AKAP19: variants seen among roughly 807,000 people sequenced by gnomAD.
AKAP19 encodes A-kinase anchoring protein 19.
the AKAP19 span, among the ~76,000 whole-genome samples, chr2:190,052,119 G>A: frequency 1.1e-4 from 16 of 152,166 alleles, no homozygotes; most frequent in Admixed American, 9.2e-4. Flanking sequence ...GATTACAGGC[G>A]TGATCTACTT....
At chr2:190,025,723 C>T in the AKAP19 span, among the ~76,000 whole-genome samples, 5 of 152,204 alleles carry the variant, frequency 3.3e-5, no homozygotes, top group Non-Finnish European at 5.9e-5. Context: ...ATCGATATAA[C>T]TGAAACTCTG....
chr2:189,881,743 T>A, the AKAP19 span, among the ~76,000 whole-genome samples: 1 of 152,144 alleles, frequency 6.6e-6, no homozygotes, highest in African/African-American at 2.4e-5. Flanking sequence ...TCTTGTAGCC[T>A]GCAAAATAGA....
chr2:189,959,959 G>GT, the AKAP19 span, among the ~76,000 whole-genome samples: 2 of 151,896 alleles, frequency 1.3e-5, no homozygotes, highest in Admixed American at 6.6e-5. Flanking sequence ...ATTTATGTAG[G>GT]TTTTTTTCAT....
At chr2:190,138,397 C>CTA in the AKAP19 span, among the ~76,000 whole-genome samples, 2 of 152,206 alleles carry the variant, frequency 1.3e-5, no homozygotes, top group Non-Finnish European at 2.9e-5. Flanking sequence ...ACAGTAAGTA[C>CTA]TATAGCCTAA....
chr2:189,949,563 T>A, the AKAP19 span, among the ~76,000 whole-genome samples: 1 of 148,328 alleles, frequency 6.7e-6, no homozygotes, highest in East Asian at 2.0e-4. Flanking sequence ...ACAGTTCAAA[T>A]CTGTGTTATT....
the AKAP19 span, among the ~76,000 whole-genome samples, chr2:189,912,938 GAC>G: frequency 6.6e-6 from 1 of 152,086 alleles, no homozygotes; most frequent in South Asian, 2.1e-4. Flanking sequence ...CTTGGCTGAG[GAC>G]ACTGTACCGC....
At chr2:190,057,946 A>C in the AKAP19 span, among the ~76,000 whole-genome samples, 1 of 152,020 alleles carries the variant, frequency 6.6e-6, no homozygotes, top group African/African-American at 2.4e-5. Context: ...ATTTATGGGA[A>C]GAAAGGGAGG....
chr2:190,195,454 TTC>T, the AKAP19 span, among the ~76,000 whole-genome samples: 2 of 152,134 alleles, frequency 1.3e-5, no homozygotes, highest in African/African-American at 4.8e-5. Context: ...TGAATGAGAG[TTC>T]TGTTGCTTTT....
the AKAP19 span, among the ~76,000 whole-genome samples, chr2:189,989,027 T>C: frequency 6.6e-6 from 1 of 152,212 alleles, no homozygotes; most frequent in Non-Finnish European, 1.5e-5. Flanking sequence ...AGTAATCTAA[T>C]GGAGCAGAAC....
At chr2:189,917,679 G>T in the AKAP19 span, 1 of 265,178 alleles carries the variant, frequency 3.8e-6, no homozygotes, top group East Asian at 9.3e-5. Flanking sequence ...ATTACCATTA[G>T]GTTGATCTTG....
At chr2:190,005,026 T>C in the AKAP19 span, among the ~76,000 whole-genome samples, 1 of 152,138 alleles carries the variant, frequency 6.6e-6, no homozygotes, top group Non-Finnish European at 1.5e-5. Context: ...TGTCCAGAAG[T>C]GTGTTCCTTC....
At chr2:189,898,979 T>C in the AKAP19 span, among the ~76,000 whole-genome samples, 1 of 152,204 alleles carries the variant, frequency 6.6e-6, no homozygotes, top group Non-Finnish European at 1.5e-5. Flanking sequence ...TACTTTTTTA[T>C]CTTCTACATG....
chr2:190,086,768 G>GA, the AKAP19 span, among the ~76,000 whole-genome samples: 1 of 152,196 alleles, frequency 6.6e-6, no homozygotes, highest in Non-Finnish European at 1.5e-5. Flanking sequence ...GAGTTGCTCA[G>GA]AGAATGTCTT....
At chr2:190,160,666 T>G in the AKAP19 span, among the ~76,000 whole-genome samples, 2 of 151,978 alleles carry the variant, frequency 1.3e-5, no homozygotes, top group East Asian at 3.9e-4. Flanking sequence ...TAAGGCAAAA[T>G]GTTTTAAGTA....
the AKAP19 span, among the ~76,000 whole-genome samples, chr2:189,932,048 A>G: frequency 2.0e-4 from 30 of 152,210 alleles, no homozygotes; most frequent in African/African-American, 7.2e-4. Flanking sequence ...TTGGTCCAGA[A>G]TCCCTCATCG....
the AKAP19 span, among the ~76,000 whole-genome samples, chr2:189,974,798 G>A: frequency 6.6e-6 from 1 of 152,232 alleles, no homozygotes; most frequent in South Asian, 2.1e-4. Flanking sequence ...GACTAAGATT[G>A]CAACCCCTGC....
chr2:189,916,301 T>C, the AKAP19 span, among the ~76,000 whole-genome samples: 1 of 150,410 alleles, frequency 6.6e-6, no homozygotes, highest in Non-Finnish European at 1.5e-5. Context: ...TATAATTTTC[T>C]ATAATTTTCT....
chr2:190,052,896 T>C, the AKAP19 span, among the ~76,000 whole-genome samples: 1 of 152,194 alleles, frequency 6.6e-6, no homozygotes, highest in Non-Finnish European at 1.5e-5. Context: ...ATGTTTTACA[T>C]TTCTATGAAT....
the AKAP19 span, among the ~76,000 whole-genome samples, chr2:189,988,549 C>A: frequency 6.6e-6 from 1 of 152,188 alleles, no homozygotes; most frequent in Non-Finnish European, 1.5e-5. Flanking sequence ...TATGAGAAGC[C>A]TCATATGGAC....
Sources: allele counts gnomAD v4.1 joint callset (sites outside exome capture counted in the v4.1 genomes callset), GRCh38; gene constraint gnomAD v4.1.1; transcripts MANE v1.5; gene names NCBI Gene and HGNC (gene_info 2026-07-23, HGNC 2026-07-21).